PREX2: variants seen among roughly 807,000 people sequenced by gnomAD.
PREX2 encodes the protein phosphatidylinositol 3,4,5-trisphosphate-dependent Rac exchanger 2 protein.
PREX2 carries 107 observed loss-of-function variants against 203.2 expected under a neutral mutation model. The ratio of observed to expected loss-of-function variants is 0.53; its 90% CI spans 0.45 to 0.62. The LOEUF is 0.62. PREX2 is among the 20% of genes least tolerant of loss of function. The probability of loss-of-function intolerance (pLI) is 0.00; values close to 1 mark genes in which losing one functional copy is unlikely to be tolerated. For missense variants in PREX2, 1,777 were observed against 1,955.9 expected, an observed-to-expected ratio of 0.91 and a Z score of 1.72; for synonymous variants, 672 against 663.6, an observed-to-expected ratio of 1.01 and a Z score of -0.19.
chr8:67,976,506 G>A (rs28510597), intron 1 of PREX2, among the ~76,000 whole-genome samples: 4,514 of 55,294 alleles, frequency 0.082, 115 homozygotes, highest in East Asian at 0.2. Flanking sequence ...ACAGAGAGAG[G>A]GACAGACAGA....
At chr8:68,124,733 G>C (rs1042952948) in intron 30 of PREX2, among the ~76,000 whole-genome samples, 6 of 152,102 alleles carry the variant, frequency 3.9e-5, no homozygotes, top group African/African-American at 1.4e-4. Flanking sequence ...TTCAAGACCT[G>C]CTTTTGTATT....
chr8:68,003,712 G>A (rs1807010855), intron 1 of PREX2, among the ~76,000 whole-genome samples: 1 of 152,142 alleles, frequency 6.6e-6, no homozygotes, highest in Non-Finnish European at 1.5e-5. Flanking sequence ...TTAAAGAGAA[G>A]AGAATTTCTT....
chr8:68,063,175 A>G (rs537389871), intron 11 of PREX2, among the ~76,000 whole-genome samples: 61 of 152,334 alleles, frequency 4.0e-4, no homozygotes, highest in Non-Finnish European at 1.3e-4. Context: ...ACAAGCATAT[A>G]TAATAATTAC....
intron 8 of PREX2, among the ~76,000 whole-genome samples, chr8:68,047,481 ATATAT>A (rs1407044199): frequency 1.1e-5 from 1 of 92,756 alleles, no homozygotes; most frequent in African/African-American, 7.8e-5. Flanking sequence ...ATATATATAT[ATATAT>A]ATATATATAT....
intron 7 of PREX2, among the ~76,000 whole-genome samples, chr8:68,041,630 CTCTGTGT>C (rs1333741931): frequency 6.6e-6 from 1 of 151,932 alleles, no homozygotes; most frequent in African/African-American, 2.4e-5. Context: ...CTTCTAGGTT[CTCTGTGT>C]TTGATAGCAA....
chr8:68,119,834 C>G (rs113884005), intron 28 of PREX2, among the ~76,000 whole-genome samples: 6,554 of 151,456 alleles, frequency 0.043, 427 homozygotes, highest in African/African-American at 0.14. Flanking sequence ...AATATTATTT[C>G]TAATTTTAAA....
intron 1 of PREX2, among the ~76,000 whole-genome samples, chr8:67,960,796 T>C (rs879891547): frequency 3.3e-5 from 5 of 152,016 alleles, no homozygotes; most frequent in Non-Finnish European, 1.5e-5. Context: ...CCGTAATGAT[T>C]TGGACACACA....
intron 14 of PREX2, among the ~76,000 whole-genome samples, chr8:68,074,727 C>T (rs1333209710): frequency 1.3e-5 from 2 of 152,108 alleles, no homozygotes; most frequent in Non-Finnish European, 2.9e-5. Context: ...TCTTCCAAGA[C>T]TCTGAAATGA....
chr8:68,121,022 G>C lies in PREX2; in HGVS notation c.3697G>C (p.Ala1233Pro), dbSNP rs1470019045. 6 of 1,613,408 alleles carry C rather than the reference G, an allele frequency of 3.7e-6. No homozygotes were observed. The highest frequency in any genetic ancestry group is 5.1e-6 in the Non-Finnish European group (6 of 1,179,680). ...TCTTCCCAGCAGCGTCCGGACTCTT[G>C]CTCAGAACATCAGGAAATTTGTTGA... ...WNLPSSVRTLAQNIRKFVEEV... is the reference protein window; with the variant it reads ...WNLPSSVRTLPQNIRKFVEEV... The change falls in exon 30 of 40, where the codon GCT becomes CCT. Residue 1233 changes from alanine to proline, a missense_variant. Ala to Pro is a conservative substitution (Grantham distance 27). Transcript: ENST00000288368.
chr8:68,026,128 G>A (rs746339112), intron 4 of PREX2, among the ~76,000 whole-genome samples: 11 of 152,126 alleles, frequency 7.2e-5, no homozygotes, highest in East Asian at 1.9e-4. Context: ...GCATGCTTGC[G>A]TAAGAGCATG....
At position 67,988,670 on chromosome 8, in the gene PREX2, C is replaced by T. The variant is rs375816300; in HGVS notation, c.142-29176C>T. On this transcript the variant is annotated intron_variant, in intron 1 of 39. Coordinates refer to ENST00000288368, the MANE Select transcript of PREX2 (RefSeq NM_024870.4). ...CTCACTTTCACCTTGCAGGCCCCCA[C>T]CCTACCTGTGGAGTCTTGGGCGTAA... Among the ~76,000 whole-genome samples, 147 of 152,358 alleles carry T rather than the reference C, an allele frequency of 9.6e-4. 1 individual carries two copies. The highest frequency in any genetic ancestry group is 3.3e-3 in the African/African-American group (139 of 41,586).
At chr8:68,012,804 T>A (rs529190458) in intron 1 of PREX2, among the ~76,000 whole-genome samples, 125 of 152,242 alleles carry the variant, frequency 8.2e-4, no homozygotes, top group African/African-American at 2.9e-3. Context: ...TGTATCCGAG[T>A]GGGAAAGAGA....
chr8:68,221,923 C>G (rs148708982), intron 38 of PREX2, among the ~76,000 whole-genome samples: 5 of 152,000 alleles, frequency 3.3e-5, no homozygotes, highest in African/African-American at 1.2e-4. Context: ...TTATGTGTTA[C>G]TAAGAATGAA....
At chr8:68,118,934 A>T in intron 27 of PREX2, 1 of 564,744 alleles carries the variant, frequency 1.8e-6, no homozygotes, top group Non-Finnish European at 3.4e-6. Context: ...TACACAGGAA[A>T]TATACTGGAA....
At chr8:68,138,346 C>T (rs1156924627) in intron 32 of PREX2, 69 bp from the exon 33 acceptor site, 3 of 792,440 alleles carry the variant, frequency 3.8e-6, no homozygotes, top group Non-Finnish European at 3.9e-6. Flanking sequence ...TCTGAATTTA[C>T]ATTATGTCAT....
rs147430387 is a variant in PREX2 at position 67,999,102 on chromosome 8, T to G, written c.142-18744T>G. 2.0e-5 allele frequency among the ~76,000 whole-genome samples: 3 copies of G among 152,166 alleles called. No individual in the cohort carries two copies. In the East Asian group the frequency reaches 5.8e-4, roughly 29 times the overall value. On this transcript the variant is annotated intron_variant, in intron 1 of 39. Transcript: ENST00000288368. ...GGGTAAAGCTTTTAAAAATATTCACTTAAGATGCATGGAGGAAAAATCAGA... is the reference window on the plus strand; with the variant it reads ...GGGTAAAGCTTTTAAAAATATTCACGTAAGATGCATGGAGGAAAAATCAGA...
At chr8:68,075,443 C>A (rs1483811673) in intron 14 of PREX2, among the ~76,000 whole-genome samples, 10 of 152,126 alleles carry the variant, frequency 6.6e-5, no homozygotes, top group Non-Finnish European at 1.3e-4. Flanking sequence ...TTTTCATGTA[C>A]CCTCTAAAGC....
intron 2 of PREX2, among the ~76,000 whole-genome samples, chr8:68,018,218 A>G (rs2129610173): frequency 6.6e-6 from 1 of 152,158 alleles, no homozygotes; most frequent in East Asian, 1.9e-4. Flanking sequence ...CTGTAATCCC[A>G]GCACTTTGGG....
chr8:68,192,534 C>T lies in PREX2; in HGVS notation c.4604+9C>T. On this transcript the variant is annotated intron_variant, in intron 37 of 39. Coordinates refer to ENST00000288368, the MANE Select transcript of PREX2 (RefSeq NM_024870.4). ...AGCAGCGGTGTGCATCGGTATGTGA[C>T]CCTCCCGCCTTGCTTGCCTCTTTGT... 1 of 1,588,914 alleles carries T rather than the reference C, an allele frequency of 6.3e-7. No homozygotes were observed. Among genetic ancestry groups the T allele is most frequent in the Non-Finnish European group, 8.6e-7 (1 of 1,165,206 alleles).
Sources: gnomAD v4.1 joint callset for allele counts (sites outside exome capture counted in the v4.1 genomes callset) on GRCh38, gnomAD v4.1.1 for gene constraint, MANE v1.5 for transcripts, NCBI Gene and HGNC (gene_info 2026-07-23, HGNC 2026-07-21) for gene names.